EYS: variants seen among roughly 807,000 people sequenced by gnomAD.
EYS encodes protein eyes shut homolog.
Under a neutral mutation model 282.1 loss-of-function variants are expected in EYS, and 250 were observed. The ratio of observed to expected loss-of-function variants is 0.89; its 90% CI spans 0.80 to 0.98. The LOEUF is 0.98. Ranked by LOEUF, EYS falls within the 50% of genes least tolerant of loss-of-function variation. The probability of loss-of-function intolerance (pLI) is 0.00; values close to 1 mark genes in which losing one functional copy is unlikely to be tolerated. For missense variants in EYS, 4,016 were observed against 3,709.0 expected (o/e 1.08, Z -2.15); for synonymous variants, 1,355 against 1,282.9 (o/e 1.06, Z -1.20).
intron 6 of EYS, 116 bp downstream of exon 6, chr6:65,405,058 G>T: frequency 1.4e-6 from 1 of 734,754 alleles, no homozygotes; most frequent in South Asian, 1.8e-5. Flanking sequence ...TTGTTCGTCT[G>T]AGTTTAACAA....
intron 28 of EYS, among the ~76,000 whole-genome samples, chr6:64,431,786 C>T (rs983726637): frequency 1.3e-5 from 2 of 151,938 alleles, no homozygotes; most frequent in South Asian, 4.1e-4. Flanking sequence ...TATTACCTTC[C>T]TCTCTTCTTT....
chr6:65,132,203 C>T (rs1287313017), intron 12 of EYS, among the ~76,000 whole-genome samples: 1 of 152,018 alleles, frequency 6.6e-6, no homozygotes, highest in African/African-American at 2.4e-5. Flanking sequence ...TCCTTCCTAA[C>T]TCATTCTATG....
Position 64,997,680 on chromosome 6 carries a change from A to G in EYS, c.2161T>C (p.Cys721Arg). Residue 721 changes from cysteine to arginine, a missense_variant, in exon 14 of 43, where the codon TGC (cysteine) becomes CGC (arginine). Coordinates refer to ENST00000503581, the MANE Select transcript of EYS (RefSeq NM_001142800.2). ...FKVVDGFSCLCNPGYVGIRCE... is the reference protein window; with the variant it reads ...FKVVDGFSCLRNPGYVGIRCE... Reference sequence around the variant, plus strand: ...CTTATCCCAACATAGCCTGGATTGCATAAGCAGGAAAAGCCATCAACCACT... The same window carrying G: ...CTTATCCCAACATAGCCTGGATTGCGTAAGCAGGAAAAGCCATCAACCACT... 1.3e-6 allele frequency: 2 copies of G among 1,551,102 alleles called. No homozygotes were observed. The highest frequency in any genetic ancestry group is 1.2e-5 in the South Asian group (1 of 84,022).
At chr6:64,833,715 C>T (rs1254049636) in intron 19 of EYS, among the ~76,000 whole-genome samples, 6 of 151,550 alleles carry the variant, frequency 4.0e-5, no homozygotes, top group Non-Finnish European at 8.8e-5. Context: ...GCTTTAATTG[C>T]CATTATTAGT....
At chr6:65,258,042 G>T (rs1767517128) in intron 12 of EYS, among the ~76,000 whole-genome samples, 1 of 151,952 alleles carries the variant, frequency 6.6e-6, no homozygotes, top group African/African-American at 2.4e-5. Context: ...TTAGACAACA[G>T]ATACTCCCTT....
chr6:64,167,320 G>A (rs1490203286), intron 31 of EYS, among the ~76,000 whole-genome samples: 1 of 152,176 alleles, frequency 6.6e-6, no homozygotes, highest in Non-Finnish European at 1.5e-5. Flanking sequence ...CTATCTTAAT[G>A]TCAGACAATA....
intron 31 of EYS, among the ~76,000 whole-genome samples, chr6:64,202,250 G>C (rs1334835011): frequency 6.6e-6 from 1 of 152,144 alleles, no homozygotes; most frequent in Non-Finnish European, 1.5e-5. Context: ...CCTGGAGAGG[G>C]AGACCAAACT....
chr6:63,847,022 TAGCCCTTCA>T (rs1772115663), intron 36 of EYS, among the ~76,000 whole-genome samples: 2 of 152,326 alleles, frequency 1.3e-5, no homozygotes, highest in African/African-American at 4.8e-5. Flanking sequence ...AAGACTCACA[TAGCCCTTCA>T]GGAAACATGG....
intron 2 of EYS, among the ~76,000 whole-genome samples, chr6:65,606,360 T>C (rs1364141517): frequency 6.6e-6 from 1 of 151,880 alleles, no homozygotes; most frequent in African/African-American, 2.4e-5. Flanking sequence ...TAAAATGTAA[T>C]TCTAATTGCC....
intron 33 of EYS, among the ~76,000 whole-genome samples, chr6:64,026,361 G>A (rs1232083103): frequency 6.6e-6 from 1 of 152,092 alleles, no homozygotes; most frequent in Admixed American, 6.5e-5. Context: ...CTTTCAGATG[G>A]GAAACACTCA....
chr6:65,202,487 G>A (rs1226163875), intron 12 of EYS, among the ~76,000 whole-genome samples: 9 of 152,020 alleles, frequency 5.9e-5, no homozygotes, highest in Non-Finnish European at 1.2e-4. Flanking sequence ...GACCCCTAGC[G>A]GCTAGAGGAC....
intron 28 of EYS, among the ~76,000 whole-genome samples, chr6:64,397,840 T>G (rs1773426416): frequency 6.6e-6 from 1 of 151,990 alleles, no homozygotes; most frequent in South Asian, 2.1e-4. Context: ...GTTTTTAATC[T>G]AACATGCGCT....
chr6:64,617,377 A>G (rs1182158305), intron 24 of EYS, 41 bp downstream of exon 24: 1 of 1,277,078 alleles, frequency 7.8e-7, no homozygotes, highest in Non-Finnish European at 1.1e-6. Context: ...TATCAAAGAG[A>G]ATAAAAAATT....
At chr6:64,246,525 CAT>C (rs773131973) in intron 30 of EYS, among the ~76,000 whole-genome samples, 1 of 152,126 alleles carries the variant, frequency 6.6e-6, no homozygotes, top group Non-Finnish European at 1.5e-5. Context: ...TAGGCTTAGA[CAT>C]GTGTGTACAG....
intron 5 of EYS, among the ~76,000 whole-genome samples, chr6:65,474,202 A>G (rs184958963): frequency 6.6e-6 from 1 of 152,240 alleles, no homozygotes; most frequent in East Asian, 1.9e-4. Flanking sequence ...TAATATGTGT[A>G]AAGCAATAGT....
chr6:64,440,479 G>T (rs1385715832), intron 26 of EYS, among the ~76,000 whole-genome samples: 2 of 151,994 alleles, frequency 1.3e-5, no homozygotes, highest in Non-Finnish European at 2.9e-5. Flanking sequence ...GTGTGTGTTT[G>T]TGTGTGTGTT....
At chr6:65,595,785 T>C (rs1765383213) in intron 2 of EYS, among the ~76,000 whole-genome samples, 1 of 152,162 alleles carries the variant, frequency 6.6e-6, no homozygotes, top group Non-Finnish European at 1.5e-5. Context: ...GCTTCTAAGG[T>C]GACCGCCAAT....
At chr6:64,757,569 ATGCATCTGC>A (rs1290880127) in intron 22 of EYS, among the ~76,000 whole-genome samples, 6 of 152,236 alleles carry the variant, frequency 3.9e-5, no homozygotes, top group African/African-American at 9.6e-5. Context: ...TTTAAAATGT[ATGCATCTGC>A]TTAACCAATG....
chr6:64,159,845 G>T (rs1775050402), intron 31 of EYS, among the ~76,000 whole-genome samples: 2 of 152,082 alleles, frequency 1.3e-5, no homozygotes, highest in Admixed American at 1.3e-4. Flanking sequence ...ATAACACCTG[G>T]TTAAAGGTTT....
Sources: allele counts gnomAD v4.1 joint callset (sites outside exome capture counted in the v4.1 genomes callset), GRCh38; gene constraint gnomAD v4.1.1; transcripts MANE v1.5; gene names NCBI Gene and HGNC (gene_info 2026-07-23, HGNC 2026-07-21).